The following TTLL1 variants were observed in gnomAD, a reference collection of about 807,000 sequenced individuals.
The protein encoded by TTLL1 is polyglutamylase complex subunit TTLL1.
In TTLL1, 33 loss-of-function variants were observed where a neutral mutation model predicts 47.8. The ratio of observed to expected loss-of-function variants is 0.69; its 90% CI spans 0.52 to 0.92. The LOEUF is 0.92. Among genes scored for constraint, TTLL1 ranks in the 40% least tolerant of loss-of-function variants. The pLI, the probability that TTLL1 is intolerant of heterozygous loss-of-function variation, is 0.00. For synonymous variants in TTLL1, 225 were observed against 214.1 expected, an observed-to-expected ratio of 1.05 and a Z score of -0.45; for missense variants, 488 against 547.5, an observed-to-expected ratio of 0.89 and a Z score of 1.08.
At chr22:43,053,386 G>C (rs912186998) in intron 8 of TTLL1, among the ~76,000 whole-genome samples, 61 of 152,200 alleles carry the variant, frequency 4.0e-4, no homozygotes, top group Non-Finnish European at 2.6e-4. Flanking sequence ...TAATTTAGCG[G>C]AATTACATTT....
In TTLL1 at chr22:43,039,809, G is replaced by C; in HGVS notation, c.1239C>G (p.Asp413Glu). The change falls in exon 11 of 11, where the codon GAC (aspartate) becomes GAG (glutamate). Residue 413 changes from aspartate (D) to glutamate (E), a missense_variant. By Grantham distance (45) the Asp-to-Glu change is conservative (BLOSUM62 2). Coordinates refer to ENST00000266254, the MANE Select transcript of TTLL1 (RefSeq NM_012263.5). Reference protein sequence around the residue: ...SLGPRAGRSRDSGRAVLTTWK With the variant: ...SLGPRAGRSRESGRAVLTTWK Reference sequence around the variant, plus strand: ...AGGTGGTGAGGACCGCTCTCCCCGAGTCTCTCGATCGGCCTGCTCTGGGCC... The same window carrying C: ...AGGTGGTGAGGACCGCTCTCCCCGACTCTCTCGATCGGCCTGCTCTGGGCC... 1 of 1,613,946 alleles carries C rather than the reference G, an allele frequency of 6.2e-7. No homozygotes were observed. Among genetic ancestry groups the C allele is most frequent in the Non-Finnish European group, 8.5e-7 (1 of 1,179,904 alleles).
At chr22:43,072,606 G>C (rs991125580) in intron 3 of TTLL1, among the ~76,000 whole-genome samples, 2 of 152,036 alleles carry the variant, frequency 1.3e-5, no homozygotes, top group African/African-American at 4.8e-5. Context: ...CAAGTAGCTG[G>C]GGCTACAGGC....
intron 1 of TTLL1, among the ~76,000 whole-genome samples, chr22:43,084,731 G>A (rs1016182216): frequency 1.3e-5 from 2 of 151,810 alleles, no homozygotes; most frequent in Admixed American, 6.6e-5. Context: ...TCGATCTCCT[G>A]ACCTTGTTAT....
intron 9 of TTLL1, among the ~76,000 whole-genome samples, chr22:43,046,929 C>T (rs1209967027): frequency 3.3e-5 from 5 of 152,140 alleles, no homozygotes; most frequent in Non-Finnish European, 7.4e-5. Flanking sequence ...CCTCGGCCTC[C>T]CAAAGTGCTG....
At chr22:43,080,175 C>A (rs1447251058) in intron 1 of TTLL1, among the ~76,000 whole-genome samples, 189 bp from the exon 2 acceptor site, 1 of 152,046 alleles carries the variant, frequency 6.6e-6, no homozygotes, top group Non-Finnish European at 1.5e-5. Context: ...CTGCCTGAGC[C>A]TCCTAAGTAG....
intron 5 of TTLL1, among the ~76,000 whole-genome samples, chr22:43,067,667 C>T (rs2146979079): frequency 6.6e-6 from 1 of 152,178 alleles, no homozygotes; most frequent in South Asian, 2.1e-4. Context: ...CTGTGTGGCT[C>T]ATGGCCAAAG....
chr22:43,042,938 CTT>C (rs59595664), intron 10 of TTLL1, among the ~76,000 whole-genome samples: 15 of 129,746 alleles, frequency 1.2e-4, no homozygotes, highest in East Asian at 2.2e-4. Context: ...GCTGCTTTTT[CTT>C]TTTTTTTTTT....
intron 2 of TTLL1, among the ~76,000 whole-genome samples, chr22:43,076,231 G>A (rs797016695): frequency 1.3e-4 from 20 of 150,768 alleles, no homozygotes; most frequent in Admixed American, 3.3e-4. Flanking sequence ...CGAGGCAGGC[G>A]GATCGCCTGA....
chr22:43,075,633 T>G, intron 2 of TTLL1, 43 bp from the exon 3 acceptor site: 2 of 1,550,272 alleles, frequency 1.3e-6, no homozygotes, highest in Non-Finnish European at 1.8e-6. Context: ...CTTCAACAGC[T>G]CACTTCCCTT....
rs1320932486 is a variant in TTLL1 at position 43,044,079 on chromosome 22, G to A, written c.1142+2331C>T. ...CTCCCAGCCCACTTCCCTAGTGCCC[G>A]ACTCCAACAACCCTCCTCCCCGAGA... On this transcript the variant is annotated intron_variant, in intron 10 of 10. Transcript: ENST00000266254. 2.6e-5 allele frequency among the ~76,000 whole-genome samples: 4 copies of A among 151,738 alleles called. No homozygotes were observed. The South Asian group carries it at 6.3e-4, about 24-fold the overall frequency.
At chr22:43,076,843 T>C (rs1401989223) in intron 2 of TTLL1, among the ~76,000 whole-genome samples, 1 of 152,040 alleles carries the variant, frequency 6.6e-6, no homozygotes. Flanking sequence ...GGCTCACGCC[T>C]GTAATCCCAG....
At chr22:43,057,952 ATT>A (rs147174964) in intron 8 of TTLL1, among the ~76,000 whole-genome samples, 5 of 121,032 alleles carry the variant, frequency 4.1e-5, no homozygotes, top group African/African-American at 1.3e-4. Flanking sequence ...ATATATATAT[ATT>A]TTTTTTTTTC....
At chr22:43,061,800 C>T (rs1221331519) in intron 7 of TTLL1, among the ~76,000 whole-genome samples, 1 of 152,188 alleles carries the variant, frequency 6.6e-6, no homozygotes, top group African/African-American at 2.4e-5. Context: ...GGCCTCGGCA[C>T]ACGTTGTACC....
At chr22:43,087,487 G>A (rs12160942) in intron 1 of TTLL1, among the ~76,000 whole-genome samples, 13,081 of 147,662 alleles carry the variant, frequency 0.089, 804 homozygotes, top group East Asian at 0.23. Context: ...TCACGCCACT[G>A]CACTCCAGCC....
chr22:43,082,319 C>G (rs910677256), intron 1 of TTLL1, among the ~76,000 whole-genome samples: 1 of 152,132 alleles, frequency 6.6e-6, no homozygotes, highest in Non-Finnish European at 1.5e-5. Context: ...GCTCTGTCCT[C>G]AGTCAAGCCC....
chr22:43,061,366 CT>C (rs1429076580), intron 7 of TTLL1, among the ~76,000 whole-genome samples: 1 of 152,228 alleles, frequency 6.6e-6, no homozygotes, highest in Non-Finnish European at 1.5e-5. Context: ...AGGTGAACCC[CT>C]GGCTCCTGTT....
At chr22:43,088,982 T>C (rs1929433542) in intron 1 of TTLL1, among the ~76,000 whole-genome samples, 1 of 151,910 alleles carries the variant, frequency 6.6e-6, no homozygotes, top group East Asian at 1.9e-4. Flanking sequence ...TGCAAACGAA[T>C]GGGAAACGTG....
In TTLL1 at chr22:43,059,424, T is replaced by C. The variant is rs1339600124; in HGVS notation, c.851A>G (p.Glu284Gly). The C allele has an allele frequency of 6.2e-7, 1 of 1,614,002 alleles. No individual in the cohort carries two copies. The change falls in exon 8 of 11, where the codon GAG (glutamate) becomes GGG (glycine). Residue 284 changes from glutamate to glycine, a missense_variant. Coordinates refer to ENST00000266254, the MANE Select transcript of TTLL1 (RefSeq NM_012263.5). ...GGACTGCACGATGATCCAGTGGATC[T>C]CGTCGAACAGCTTGCTGGTCACCTC... ...GKEVTSKLFD[E>G]IHWIIVQSLK...
intron 8 of TTLL1, among the ~76,000 whole-genome samples, chr22:43,058,166 G>A (rs11090137): frequency 0.098 from 14,837 of 151,870 alleles, 902 homozygotes; most frequent in African/African-American, 0.16. Flanking sequence ...GGATGGTCTC[G>A]ATCTCCTGAC....
Sources: allele counts gnomAD v4.1 joint callset (sites outside exome capture counted in the v4.1 genomes callset), GRCh38; gene constraint gnomAD v4.1.1; transcripts MANE v1.5; gene names NCBI Gene and HGNC (gene_info 2026-07-23, HGNC 2026-07-21).